The following CDH13 variants were observed in gnomAD, a reference collection of about 807,000 sequenced individuals.
CDH13 encodes the protein cadherin-13.
A neutral mutation model predicts 63.8 loss-of-function variants in CDH13; 24 were observed. The observed-to-expected ratio is 0.38, with a 90% CI of 0.27 to 0.53. CDH13 has a LOEUF of 0.53. CDH13 is among the 20% of genes least tolerant of loss of function. The pLI is 0.85. For synonymous variants in CDH13, 503 were observed against 355.3 expected (o/e 1.42, Z -4.67); for missense variants, 1,049 against 903.1 (o/e 1.16, Z -2.07).
At chr16:83,417,797 C>A (rs1046818758) in intron 6 of CDH13, among the ~76,000 whole-genome samples, 3 of 152,126 alleles carry the variant, frequency 2.0e-5, no homozygotes, top group Non-Finnish European at 4.4e-5. Context: ...TCCAATTGAA[C>A]AAATCCCTCT....
intron 1 of CDH13, among the ~76,000 whole-genome samples, chr16:82,693,120 C>G (rs1250904935): frequency 6.6e-6 from 1 of 152,130 alleles, no homozygotes; most frequent in Admixed American, 6.5e-5. Context: ...GTATAATAGC[C>G]TCAAAGGAAA....
rs537776836 is a variant in CDH13, at chr16:83,251,092, G to C, written c.636+33595G>C. Among the ~76,000 whole-genome samples, 176 of 152,006 alleles carry C rather than the reference G, an allele frequency of 1.2e-3. 1 individual carries two copies. Among genetic ancestry groups the C allele is most frequent in the African/African-American group, 4.0e-3 (167 of 41,448 alleles). On this transcript the variant is annotated intron_variant, in intron 5 of 13. Coordinates refer to ENST00000567109, the MANE Select transcript of CDH13 (RefSeq NM_001257.5). ...GAGGATAATGAAAGCCACAACCCAGGAACTTCCTGATGGAGATGGAACTGT... is the reference window on the plus strand; with the variant it reads ...GAGGATAATGAAAGCCACAACCCAGCAACTTCCTGATGGAGATGGAACTGT...
intron 3 of CDH13, among the ~76,000 whole-genome samples, chr16:83,107,485 C>G (rs374735569): frequency 6.6e-6 from 1 of 152,196 alleles, no homozygotes; most frequent in Non-Finnish European, 1.5e-5. Flanking sequence ...ACCAATGCAG[C>G]CTTCTTTCCA....
intron 5 of CDH13, among the ~76,000 whole-genome samples, chr16:83,263,886 T>TAAA (rs940449123): frequency 6.7e-4 from 102 of 151,196 alleles, no homozygotes; most frequent in Admixed American, 2.6e-3. Context: ...CTGAATTTTT[T>TAAA]AAAAAAAATA....
At chr16:83,682,319 T>G (rs1436003534) in intron 10 of CDH13, among the ~76,000 whole-genome samples, 1 of 151,994 alleles carries the variant, frequency 6.6e-6, no homozygotes, top group Non-Finnish European at 1.5e-5. Context: ...GGAAGAGGCG[T>G]TACTAGGAAG....
chr16:82,929,922 T>C lies in CDH13; in HGVS notation c.157+71449T>C, dbSNP rs151236977. On this transcript the variant is annotated intron_variant, in intron 2 of 13. Transcript: ENST00000567109. ...TTTTCACAAACCAAACACATACACA[T>C]AACAACACTCAGAGAAACAGAGTTA... Among the ~76,000 whole-genome samples, 43 of 151,456 alleles carry C rather than the reference T, an allele frequency of 2.8e-4. No individual in the cohort carries two copies. In the East Asian group the frequency reaches 7.8e-3, roughly 28 times the overall value.
chr16:83,711,885 T>C (rs576425347), intron 10 of CDH13, among the ~76,000 whole-genome samples: 4 of 152,364 alleles, frequency 2.6e-5, no homozygotes, highest in Admixed American at 2.0e-4. Context: ...CAAAGTACCA[T>C]AGACTGAGCA....
At position 83,128,015 on chromosome 16, in the gene CDH13, C is replaced by G. The variant is rs1469585841; in HGVS notation, c.483+2514C>G. 3.3e-5 allele frequency among the ~76,000 whole-genome samples: 5 copies of G among 152,166 alleles called. No homozygotes were observed. The East Asian group carries it at 7.7e-4, about 24-fold the overall frequency. The stretch of plus-strand genomic sequence containing the variant: ...AGATGCCAAGGGACCTGACTCCCCA[C>G]TTCTTCAAAACTCTTCCCAAACAGT... On this transcript the variant is annotated intron_variant, in intron 4 of 13. Transcript: ENST00000567109.
intron 1 of CDH13, among the ~76,000 whole-genome samples, chr16:82,809,177 A>G (rs2037313206): frequency 6.6e-6 from 1 of 152,158 alleles, no homozygotes; most frequent in African/African-American, 2.4e-5. Flanking sequence ...GAATGAAAAT[A>G]TCTGTTTCCT....
At chr16:82,870,886 G>A (rs964415943) in intron 2 of CDH13, among the ~76,000 whole-genome samples, 1 of 152,224 alleles carries the variant, frequency 6.6e-6, no homozygotes, top group Non-Finnish European at 1.5e-5. Context: ...GCATAGGGAT[G>A]ATTGTAGCTG....
chr16:83,792,552 C>T (rs117757719), intron 13 of CDH13, among the ~76,000 whole-genome samples: 7,120 of 152,264 alleles, frequency 0.047, 204 homozygotes, highest in Middle Eastern at 0.065. Context: ...TTATGCCTGG[C>T]AGGACGCCAC....
chr16:83,447,136 T>C (rs76969975), intron 6 of CDH13, among the ~76,000 whole-genome samples: 51,219 of 108,276 alleles, frequency 0.47, 13,492 homozygotes, highest in African/African-American at 0.69. Flanking sequence ...TGGTTTGTGC[T>C]GGATGCGGTG....
chr16:82,956,630 C>T (rs1338222254), intron 2 of CDH13, among the ~76,000 whole-genome samples: 1 of 152,188 alleles, frequency 6.6e-6, no homozygotes, highest in Non-Finnish European at 1.5e-5. Flanking sequence ...TCCTTCATGA[C>T]CCAGCCCCTG....
intron 2 of CDH13, among the ~76,000 whole-genome samples, chr16:82,879,857 A>G (rs566624057): frequency 2.4e-4 from 34 of 142,878 alleles, no homozygotes; most frequent in Non-Finnish European, 3.5e-4. Context: ...TTGTGAATAT[A>G]TAATAGATTT....
intron 7 of CDH13, among the ~76,000 whole-genome samples, chr16:83,520,276 C>G (rs2074799304): frequency 6.6e-6 from 1 of 152,116 alleles, no homozygotes. Context: ...CAAAAAAGTA[C>G]ATTTTGTATG....
At chr16:82,874,517 C>A (rs567874752) in intron 2 of CDH13, among the ~76,000 whole-genome samples, 353 of 151,952 alleles carry the variant, frequency 2.3e-3, no homozygotes, top group Non-Finnish European at 4.0e-3. Context: ...CGATTGTCAG[C>A]GATCCAGGCT....
intron 6 of CDH13, among the ~76,000 whole-genome samples, chr16:83,387,786 C>G (rs2091703669): frequency 6.6e-6 from 1 of 152,134 alleles, no homozygotes; most frequent in South Asian, 2.1e-4. Flanking sequence ...GCCACTGGCT[C>G]CTACAGCAGT....
chr16:82,891,018 C>T (rs1440027706), intron 2 of CDH13, among the ~76,000 whole-genome samples: 4 of 146,282 alleles, frequency 2.7e-5, no homozygotes, highest in East Asian at 4.1e-4. Context: ...AAGACTAGGA[C>T]ATTAAGTCAT....
chr16:82,873,905 T>C (rs2040422264), intron 2 of CDH13, among the ~76,000 whole-genome samples: 1 of 152,184 alleles, frequency 6.6e-6, no homozygotes, highest in Non-Finnish European at 1.5e-5. Context: ...CTAGGGATAC[T>C]TGTTCTCCCC....
Sources: allele counts gnomAD v4.1 joint callset (sites outside exome capture counted in the v4.1 genomes callset), GRCh38; gene constraint gnomAD v4.1.1; transcripts MANE v1.5; gene names NCBI Gene and HGNC (gene_info 2026-07-23, HGNC 2026-07-21).